The following SAMTOR variants were observed in gnomAD, a reference collection of about 807,000 sequenced individuals.
The protein encoded by SAMTOR is UPF0532 protein C7orf60.
At chr7:112,912,962 T>G in the SAMTOR span, among the ~76,000 whole-genome samples, 3 of 152,184 alleles carry the variant, frequency 2.0e-5, no homozygotes, top group Admixed American at 2.0e-4. Context: ...TGTACTGTAA[T>G]AGTAATTTAA....
At chr7:112,827,041 CATTATGGA>C in the SAMTOR span, among the ~76,000 whole-genome samples, 1 of 152,164 alleles carries the variant, frequency 6.6e-6, no homozygotes, top group Non-Finnish European at 1.5e-5. Flanking sequence ...ACCCTTTAAT[CATTATGGA>C]ATGTCATTTT....
chr7:112,925,370 A>T, the SAMTOR span, among the ~76,000 whole-genome samples: 1 of 152,244 alleles, frequency 6.6e-6, no homozygotes, highest in Non-Finnish European at 1.5e-5. Flanking sequence ...AAGTAAATAC[A>T]TAAATGTATT....
chr7:112,874,534 T>C, the SAMTOR span, among the ~76,000 whole-genome samples: 1 of 152,016 alleles, frequency 6.6e-6, no homozygotes, highest in African/African-American at 2.4e-5. Context: ...AAACTTCCCA[T>C]TAGGTACTCT....
chr7:112,890,692 CT>C, the SAMTOR span, among the ~76,000 whole-genome samples: 255 of 143,724 alleles, frequency 1.8e-3, no homozygotes, highest in Admixed American at 2.2e-3. Context: ...TATATGAATA[CT>C]TTTTTTTTTT....
At chr7:112,898,385 T>C in the SAMTOR span, among the ~76,000 whole-genome samples, 1 of 149,580 alleles carries the variant, frequency 6.7e-6, no homozygotes, top group East Asian at 2.0e-4. Flanking sequence ...GGCAGTACAG[T>C]GTAGAGACTT....
chr7:112,939,694 C>A, the SAMTOR span: 4 of 1,611,958 alleles, frequency 2.5e-6, no homozygotes, highest in Non-Finnish European at 2.5e-6. Flanking sequence ...GCGGAGTGTT[C>A]GGGGACCCGG....
At chr7:112,915,357 T>G in the SAMTOR span, 1 of 1,613,314 alleles carries the variant, frequency 6.2e-7, no homozygotes, top group Admixed American at 1.7e-5. Context: ...TGCCCAATGA[T>G]TATCTGCCAA....
the SAMTOR span, among the ~76,000 whole-genome samples, chr7:112,894,219 A>G: frequency 6.6e-6 from 1 of 151,494 alleles, no homozygotes; most frequent in Non-Finnish European, 1.5e-5. Flanking sequence ...AGGAGAGGGG[A>G]GAGAGACTGG....
the SAMTOR span, among the ~76,000 whole-genome samples, chr7:112,916,563 T>C: frequency 6.6e-6 from 1 of 152,166 alleles, no homozygotes; most frequent in Admixed American, 6.5e-5. Flanking sequence ...ACCGGGTTCA[T>C]CTCACTGGGG....
the SAMTOR span, chr7:112,821,248 A>G: frequency 2.6e-5 from 4 of 152,560 alleles, no homozygotes; most frequent in Non-Finnish European, 4.4e-5. Context: ...ACATAAAATG[A>G]CTTTCTGTAA....
chr7:112,918,866 G>C, the SAMTOR span, among the ~76,000 whole-genome samples: 1 of 152,148 alleles, frequency 6.6e-6, no homozygotes, highest in East Asian at 1.9e-4. Context: ...ATTACATAAT[G>C]GTAAAGGGAT....
At chr7:112,819,473 T>C in the SAMTOR span, 1 of 152,264 alleles carries the variant, frequency 6.6e-6, no homozygotes, top group South Asian at 2.1e-4. Flanking sequence ...ATACATGATC[T>C]GGCATCAAGC....
At chr7:112,836,056 T>C in the SAMTOR span, among the ~76,000 whole-genome samples, 3 of 152,242 alleles carry the variant, frequency 2.0e-5, no homozygotes, top group African/African-American at 7.2e-5. Context: ...CTTTGAGGAA[T>C]TGCTACACTG....
the SAMTOR span, among the ~76,000 whole-genome samples, chr7:112,903,431 G>A: frequency 6.6e-6 from 1 of 151,782 alleles, no homozygotes; most frequent in Admixed American, 6.6e-5. Flanking sequence ...ATCCCTGATG[G>A]GATCCTGGAT....
At chr7:112,914,422 T>C in the SAMTOR span, among the ~76,000 whole-genome samples, 2 of 152,110 alleles carry the variant, frequency 1.3e-5, no homozygotes, top group East Asian at 3.8e-4. Context: ...AGGGAATTCA[T>C]GTTTAAGTTT....
At chr7:112,926,801 A>G in the SAMTOR span, among the ~76,000 whole-genome samples, 1 of 152,198 alleles carries the variant, frequency 6.6e-6, no homozygotes, top group South Asian at 2.1e-4. Flanking sequence ...TATAAAAGAG[A>G]TATGAACCTG....
the SAMTOR span, among the ~76,000 whole-genome samples, chr7:112,917,755 G>C: frequency 2.0e-5 from 3 of 152,154 alleles, no homozygotes; most frequent in African/African-American, 7.2e-5. Flanking sequence ...GTGCTTAAAG[G>C]AGCTGATGGA....
At chr7:112,839,227 T>C in the SAMTOR span, among the ~76,000 whole-genome samples, 1 of 151,850 alleles carries the variant, frequency 6.6e-6, no homozygotes, top group Non-Finnish European at 1.5e-5. Flanking sequence ...ATCATAAGAA[T>C]GAACTTTAAC....
the SAMTOR span, chr7:112,939,828 G>A: frequency 6.8e-6 from 8 of 1,170,564 alleles, no homozygotes; most frequent in East Asian, 7.4e-5. Flanking sequence ...GGTAGGAGGA[G>A]GGAGCTGCGG....
Sources: allele counts gnomAD v4.1 joint callset (sites outside exome capture counted in the v4.1 genomes callset), GRCh38; gene constraint gnomAD v4.1.1; transcripts MANE v1.5; gene names NCBI Gene and HGNC (gene_info 2026-07-23, HGNC 2026-07-21).